The following CD6 variants were observed in gnomAD, a reference collection of about 807,000 sequenced individuals.
CD6 encodes CD6 molecule, also known as T-cell differentiation antigen CD6.
CD6 carries 53 observed loss-of-function variants against 75.3 expected under a neutral mutation model. The observed-to-expected ratio is 0.70, with a 90% CI of 0.56 to 0.88. The LOEUF (loss-of-function observed/expected upper bound fraction) is 0.88. Ranked by LOEUF, CD6 falls within the 40% of genes least tolerant of loss-of-function variation. The pLI, the probability that CD6 is intolerant of heterozygous loss-of-function variation, is 0.00. For missense variants in CD6, 770 were observed against 897.1 expected, an observed-to-expected ratio of 0.86 and a Z score of 1.81; for synonymous variants, 359 against 381.5, an observed-to-expected ratio of 0.94 and a Z score of 0.69.
intron 1 of CD6, among the ~76,000 whole-genome samples, chr11:60,999,269 T>C (rs1858460428): frequency 6.6e-6 from 1 of 151,540 alleles, no homozygotes; most frequent in African/African-American, 2.4e-5. Flanking sequence ...TCTTTTAGCA[T>C]CTCTCCTGGG....
At chr11:61,013,651 G>A (rs11230568) in intron 7 of CD6, 88 bp downstream of exon 7, 56,686 of 1,442,970 alleles carry the variant, frequency 0.039, 1,839 homozygotes, top group African/African-American at 0.16. Context: ...GTCCAGCAAT[G>A]ACCACCCGGC....
At chr11:61,006,390 A>G (rs759135382) in intron 1 of CD6, among the ~76,000 whole-genome samples, 184 bp from the exon 2 acceptor site, 32 of 152,262 alleles carry the variant, frequency 2.1e-4, no homozygotes, top group Middle Eastern at 6.8e-3. Flanking sequence ...TGAAATGCCA[A>G]TGTTTGAGAA....
rs1306618295 is a variant in CD6 at position 61,009,639 on chromosome 11, A to T, written c.849A>T (p.Arg283=). ...AGGGGCAGGTGGAGGTACACTTCCG[A>T]GGGGTCTGGAACACAGTGTGTGACA... ...RCEGQVEVHF[R]GVWNTVCDSE... Residue 283 remains arginine (R), a synonymous_variant, in exon 5 of 13, where the codon CGA becomes CGT. Coordinates refer to ENST00000313421, the MANE Select transcript of CD6 (RefSeq NM_006725.5). 6.2e-7 allele frequency: 1 copy of T among 1,613,830 alleles called. No individual in the cohort carries two copies. Among genetic ancestry groups the T allele is most frequent in the East Asian group, 2.2e-5 (1 of 44,882 alleles).
At chr11:60,999,967 G>T (rs751584570) in intron 1 of CD6, among the ~76,000 whole-genome samples, 5 of 152,008 alleles carry the variant, frequency 3.3e-5, no homozygotes, top group African/African-American at 4.8e-5. Context: ...CAGGAGAATC[G>T]CTTGAATCAG....
chr11:61,019,418 T>C lies in CD6; in HGVS notation c.*100T>C, dbSNP rs1400692741. The C allele has an allele frequency of 3.6e-5, 32 of 900,162 alleles. No homozygotes were observed. Among genetic ancestry groups the C allele is most frequent in the African/African-American group, 5.0e-5 (3 of 60,138 alleles). The allele number at this position is 900,162 out of a possible 1,614,324, so 55.8% of individuals were successfully genotyped here. On this transcript the variant is annotated 3_prime_UTR_variant, in exon 13 of 13. Coordinates refer to ENST00000313421, the MANE Select transcript of CD6 (RefSeq NM_006725.5). ...CCCACCCTCCCAGCTCACCTCCCCATGGAGCTGAGAGGCCTCCCTTGGAGA... is the reference window on the plus strand; with the variant it reads ...CCCACCCTCCCAGCTCACCTCCCCACGGAGCTGAGAGGCCTCCCTTGGAGA...
chr11:60,998,464 G>A (rs1375628146), intron 1 of CD6, among the ~76,000 whole-genome samples: 1 of 152,264 alleles, frequency 6.6e-6, no homozygotes, highest in African/African-American at 2.4e-5. Context: ...GAAAGTGAAA[G>A]AACTCATTCA....
In CD6 at chr11:61,013,418, T is replaced by G; in HGVS notation, c.1151-5T>G. ...TTCTTCCTGAATTGGAATTCTTGTT[T>G]CCAGAATCTTCTGTGACAGTGAAAA... On this transcript the variant is annotated splice_polypyrimidine_tract_variant and splice_region_variant and intron_variant, in intron 6 of 12. Coordinates refer to ENST00000313421, the MANE Select transcript of CD6 (RefSeq NM_006725.5). 6.2e-7 allele frequency: 1 copy of G among 1,613,668 alleles called. No homozygotes were observed. Among genetic ancestry groups the G allele is most frequent in the Non-Finnish European group, 8.5e-7 (1 of 1,179,772 alleles).
In CD6 at chr11:61,013,413, T is replaced by A. The variant is rs375800930; in HGVS notation, c.1151-10T>A. ...CCTCTTTCTTCCTGAATTGGAATTC[T>A]TGTTTCCAGAATCTTCTGTGACAGT... On this transcript the variant is annotated splice_polypyrimidine_tract_variant and intron_variant, in intron 6 of 12. Transcript: ENST00000313421. The A allele has an allele frequency of 1.9e-6, 3 of 1,613,390 alleles. No individual in the cohort carries two copies. In the African/African-American group the frequency reaches 4.0e-5, roughly 22 times the overall value.
chr11:60,988,204 G>T (rs1402755370), intron 1 of CD6, among the ~76,000 whole-genome samples: 2 of 152,238 alleles, frequency 1.3e-5, no homozygotes, highest in Non-Finnish European at 2.9e-5. Flanking sequence ...GCCTTCACAG[G>T]CTCCTCATGG....
chr11:60,986,346 G>A (rs1044139281), intron 1 of CD6, among the ~76,000 whole-genome samples: 2 of 152,156 alleles, frequency 1.3e-5, no homozygotes, highest in African/African-American at 2.4e-5. Flanking sequence ...GATGGGTGCC[G>A]GGCTGGTGTT....
chr11:61,013,693 G>A, intron 7 of CD6, 130 bp downstream of exon 7: 1 of 1,067,600 alleles, frequency 9.4e-7, no homozygotes, highest in Non-Finnish European at 1.4e-6. Context: ...AAGGTGGAAA[G>A]GATTTTCCCA....
In CD6 at chr11:61,019,395, C is replaced by G; in HGVS notation, c.*77C>G. 1 of 1,170,316 alleles carries G rather than the reference C, an allele frequency of 8.5e-7. No homozygotes were observed. The highest frequency in any genetic ancestry group is 1.4e-5 in the South Asian group (1 of 73,238). 72.5% of individuals were successfully genotyped at this position (1,170,316 alleles called of 1,614,324 possible). A position where few individuals can be genotyped will look rare whatever the true frequency, so the allele number is the denominator to read the frequency against. On this transcript the variant is annotated 3_prime_UTR_variant, in exon 13 of 13. Transcript: ENST00000313421. The stretch of plus-strand genomic sequence containing the variant: ...TCTACCTACTCCCTTTCCCCTTTCC[C>G]ACCCTCCCAGCTCACCTCCCCATGG...
intron 1 of CD6, among the ~76,000 whole-genome samples, chr11:60,979,235 T>C (rs1190197094): frequency 6.6e-6 from 1 of 152,170 alleles, no homozygotes; most frequent in African/African-American, 2.4e-5. Flanking sequence ...GCCTCACCAC[T>C]GAATCTAGGA....
At chr11:61,013,622 C>T (rs2074228) in intron 7 of CD6, 59 bp downstream of exon 7, 38,896 of 1,582,110 alleles carry the variant, frequency 0.025, 2,741 homozygotes, top group East Asian at 0.23. Context: ...CTTGGCAGAA[C>T]CCCAGCAGCA....
chr11:60,997,062 T>C lies in CD6; in HGVS notation c.50-9512T>C, dbSNP rs190988888. 8.3e-4 allele frequency among the ~76,000 whole-genome samples: 127 copies of C among 152,268 alleles called. 1 individual carries two copies. In the Middle Eastern group the frequency reaches 0.014, roughly 16 times the overall value. Reference sequence around the variant, plus strand: ...CCCATACAGCACTGTCTGATGTCAATATGTGAGTCACATTTATAATTTTAA... The same window carrying C: ...CCCATACAGCACTGTCTGATGTCAACATGTGAGTCACATTTATAATTTTAA... On this transcript the variant is annotated intron_variant, in intron 1 of 12. Coordinates refer to ENST00000313421, the MANE Select transcript of CD6 (RefSeq NM_006725.5).
rs546904820 is a variant in CD6, at chr11:60,972,570, A to G, written c.49+656A>G. On this transcript the variant is annotated intron_variant, in intron 1 of 12. Coordinates refer to ENST00000313421, the MANE Select transcript of CD6 (RefSeq NM_006725.5). The stretch of plus-strand genomic sequence containing the variant: ...TGGGGCACTAGACTGTGCTCCCCAG[A>G]TACTTGCTGGCCCCTGTTGAGTGCA... Among the ~76,000 whole-genome samples, 16 of 152,264 alleles carry G rather than the reference A, an allele frequency of 1.1e-4. No individual in the cohort carries two copies. In the East Asian group the frequency reaches 2.7e-3, roughly 26 times the overall value.
intron 1 of CD6, among the ~76,000 whole-genome samples, chr11:60,998,849 GA>G (rs56391909): frequency 0.35 from 45,432 of 129,116 alleles, 7,482 homozygotes; most frequent in East Asian, 0.53. Context: ...ACACAAGGCA[GA>G]AAAAAAAAAA....
At position 61,008,862 on chromosome 11, in the gene CD6, A is replaced by G. The variant is rs2905518; in HGVS notation, c.781+17A>G. 1,510,178 of 1,511,494 alleles carry G rather than the reference A, an allele frequency of 1. 754,444 individuals are homozygous for G. Among genetic ancestry groups the G allele is most frequent in the Middle Eastern group, 1 (5,608 of 5,608 alleles). The allele number at this position is 1,511,494 out of a possible 1,614,324, so 93.6% of individuals were successfully genotyped here. A position where few individuals can be genotyped will look rare whatever the true frequency, so the allele number is the denominator to read the frequency against. On this transcript the variant is annotated intron_variant, in intron 4 of 12. Transcript: ENST00000313421. ...TGTGCTCAGGTCAGTGGGCGGAGTC[A>G]CTGAAGCCCGGTCACTACCAACACT...
At position 60,971,734 on chromosome 11, in the gene CD6, A is replaced by T. The variant is rs571009092; in HGVS notation, c.-132A>T. The T allele has an allele frequency of 1.2e-3, 1,000 of 810,534 alleles. 13 individuals are homozygous for T. Among genetic ancestry groups the T allele is most frequent in the Middle Eastern group, 2.9e-3 (11 of 3,772 alleles). 50.2% of individuals were successfully genotyped at this position (810,534 alleles called of 1,614,324 possible). A position where few individuals can be genotyped will look rare whatever the true frequency, so the allele number is the denominator to read the frequency against. ...GTCGGAGAGGAGAGAGCAGAGAGAG[A>T]CACAGGAACAAGAACAGCAAAGGGT... On this transcript the variant is annotated 5_prime_UTR_variant, in exon 1 of 13. Coordinates refer to ENST00000313421, the MANE Select transcript of CD6 (RefSeq NM_006725.5).
Sources: allele counts gnomAD v4.1 joint callset (sites outside exome capture counted in the v4.1 genomes callset), GRCh38; gene constraint gnomAD v4.1.1; transcripts MANE v1.5; gene names NCBI Gene and HGNC (gene_info 2026-07-23, HGNC 2026-07-21).